CHADL: variants seen among roughly 807,000 people sequenced by gnomAD.
CHADL encodes chondroadherin-like protein.
In CHADL, 48 loss-of-function variants were observed where a neutral mutation model predicts 52.1. That is an observed-to-expected ratio of 0.92 (90% CI 0.73 to 1.17). CHADL has a LOEUF of 1.17. Ranked by LOEUF, CHADL falls within the 50% of genes most tolerant of loss-of-function variation. The pLI is 0.00. For synonymous variants in CHADL, 498 were observed against 511.2 expected, an observed-to-expected ratio of 0.97 and a Z score of 0.35; for missense variants, 977 against 1,035.1, an observed-to-expected ratio of 0.94 and a Z score of 0.77.
intron 5 of CHADL, chr22:41,230,107 C>G (rs200068641): frequency 2.4e-6 from 1 of 417,112 alleles, no homozygotes; most frequent in African/African-American, 2.5e-5. Flanking sequence ...GTTATTTACT[C>G]GCCCACCCAC....
At chr22:41,232,910 G>A (rs964083992) in intron 5 of CHADL, among the ~76,000 whole-genome samples, 8 of 152,108 alleles carry the variant, frequency 5.3e-5, no homozygotes, top group East Asian at 1.9e-4. Context: ...TCTCATCAAC[G>A]ATAGTTCCGG....
At chr22:41,236,168 G>A (rs1404765917) in intron 4 of CHADL, among the ~76,000 whole-genome samples, 1 of 152,162 alleles carries the variant, frequency 6.6e-6, no homozygotes, top group Non-Finnish European at 1.5e-5. Context: ...CACCATCCCC[G>A]ACCTCTTGTG....
At position 41,237,319 on chromosome 22, in the gene CHADL, G is replaced by T. The variant is rs1339328460; in HGVS notation, c.1753C>A (p.Pro585Thr). 2 of 1,550,552 alleles carry T rather than the reference G, an allele frequency of 1.3e-6. No homozygotes were observed. The highest frequency in any genetic ancestry group is 1.7e-6 in the Non-Finnish European group (2 of 1,146,966). ...HLDRNQLREV[P>T]TGALEGLPAL... is the part of the protein sequence containing the mutation. Reference sequence around the variant, plus strand: ...GGCAGCCCCTCCAAGGCCCCAGTGGGCACCTCTCGCAGCTGATTCCTGTCC... The same window carrying T: ...GGCAGCCCCTCCAAGGCCCCAGTGGTCACCTCTCGCAGCTGATTCCTGTCC... The change falls in exon 3 of 6, where the codon CCC (proline) becomes ACC (threonine). Residue 585 changes from proline to threonine, a missense_variant. Coordinates refer to ENST00000216241, the MANE Select transcript of CHADL (RefSeq NM_138481.2).
At chr22:41,237,059 C>G (rs551548053) in intron 3 of CHADL, 117 bp downstream of exon 3, 1 of 1,113,888 alleles carries the variant, frequency 9.0e-7, no homozygotes, top group Non-Finnish European at 1.2e-6. Flanking sequence ...TCAGGGTCCC[C>G]GTGCCCAGGC....
chr22:41,230,532 C>T (rs1393313885), intron 5 of CHADL: 18 of 433,406 alleles, frequency 4.2e-5, no homozygotes, highest in Non-Finnish European at 6.7e-5. Context: ...AAAGCTGGAA[C>T]GCTAGCTGCC....
chr22:41,230,076 T>TCCAC lies in CHADL; in HGVS notation c.2263-347_2263-346insGTGG. The TCCAC allele has an allele frequency of 1.4e-5, 13 of 912,382 alleles. 1 individual carries two copies. In the South Asian group the frequency reaches 1.6e-4, roughly 11 times the overall value. The allele number at this position is 912,382 out of a possible 1,614,324, so 56.5% of individuals were successfully genotyped here. A position where few individuals can be genotyped will look rare whatever the true frequency, so the allele number is the denominator to read the frequency against. On this transcript the variant is annotated intron_variant, in intron 5 of 5. Transcript: ENST00000216241. ...GGAGCCAGGTCCCTTTCCCAGCTCCTCCGCCCCCACCCCTCCCAGAGTTAT... is the reference window on the plus strand; with the variant it reads ...GGAGCCAGGTCCCTTTCCCAGCTCCTCCACCCGCCCCCACCCCTCCCAGAGTTAT...
At chr22:41,240,847 C>G in intron 1 of CHADL, 27 bp downstream of exon 1, 1 of 1,551,066 alleles carries the variant, frequency 6.4e-7, no homozygotes, top group South Asian at 1.2e-5. Context: ...TGAATCCCCC[C>G]TTGCACCATC....
rs1384669086 is a variant in CHADL at position 41,229,560 on chromosome 22, A to G, written c.*144T>C. 3.1e-6 allele frequency: 5 copies of G among 1,612,108 alleles called. No homozygotes were observed. The highest frequency in any genetic ancestry group is 4.2e-6 in the Non-Finnish European group (5 of 1,178,396). On this transcript the variant is annotated 3_prime_UTR_variant, in exon 6 of 6. Transcript: ENST00000216241. The stretch of plus-strand genomic sequence containing the variant: ...CAAAGGGAAAAGAATCCCGCCCACT[A>G]AGACGCGACCCCTCAGACAGGGGTC...
chr22:41,233,512 A>G (rs1227659410), intron 5 of CHADL, among the ~76,000 whole-genome samples: 1 of 152,148 alleles, frequency 6.6e-6, no homozygotes, highest in Non-Finnish European at 1.5e-5. Flanking sequence ...TTATAGAGGG[A>G]AGATGATGAT....
At position 41,237,964 on chromosome 22, in the gene CHADL, C is replaced by A; in HGVS notation, c.1108G>T (p.Glu370Ter). The change falls in exon 3 of 6, where the codon GAG becomes TAG. Residue 370 changes from glutamate (E) to a stop codon, truncating the protein, a stop_gained. Coordinates refer to ENST00000216241, the MANE Select transcript of CHADL (RefSeq NM_138481.2). LOFTEE classifies it high-confidence loss of function. Reference protein sequence around the residue: ...DAAQEEEELEERAVAGPRAPP... With the variant: ...DAAQEEEELE The stretch of plus-strand genomic sequence containing the variant: ...GCGCGGGGCCCGGCCACAGCCCGCT[C>A]TTCCAGCTCTTCCTCTTCCTGCGCC... 7.9e-7 allele frequency: 1 copy of A among 1,261,522 alleles called. No homozygotes were observed. The allele number at this position is 1,261,522 out of a possible 1,614,324, so 78.1% of individuals were successfully genotyped here. A position where few individuals can be genotyped will look rare whatever the true frequency, so the allele number is the denominator to read the frequency against.
intron 4 of CHADL, among the ~76,000 whole-genome samples, chr22:41,236,186 C>T (rs748534283): frequency 6.6e-6 from 1 of 152,196 alleles, no homozygotes; most frequent in Non-Finnish European, 1.5e-5. Context: ...GTGACTTTCT[C>T]ATGTAATTAT....
intron 1 of CHADL, among the ~76,000 whole-genome samples, chr22:41,240,458 G>A (rs542918604): frequency 2.2e-4 from 33 of 152,302 alleles, no homozygotes; most frequent in African/African-American, 7.9e-4. Flanking sequence ...CCGGCCCCCA[G>A]GAGCCTCCCC....
chr22:41,237,929 G>T lies in CHADL; in HGVS notation c.1143C>A (p.Arg381=). Residue 381 remains arginine (R), a synonymous_variant, in exon 3 of 6, where the codon CGC becomes CGA. Coordinates refer to ENST00000216241, the MANE Select transcript of CHADL (RefSeq NM_138481.2). ...RAVAGPRAPP[R]GPPRGPGEER... ...CCTCCCCGGGGCCGCGCGGAGGGCC[G>T]CGCGGAGGGGCGCGGGGCCCGGCCA... 7.9e-7 allele frequency: 1 copy of T among 1,272,446 alleles called. No homozygotes were observed. The highest frequency in any genetic ancestry group is 3.0e-4 in the Middle Eastern group (1 of 3,312). The allele number at this position is 1,272,446 out of a possible 1,614,324, so 78.8% of individuals were successfully genotyped here.
At chr22:41,234,735 T>C (rs2032705425) in intron 5 of CHADL, among the ~76,000 whole-genome samples, 2 of 152,176 alleles carry the variant, frequency 1.3e-5, no homozygotes, top group Admixed American at 6.5e-5. Flanking sequence ...TTTGTATTTT[T>C]AGTAGAGACA....
At position 41,238,681 on chromosome 22, in the gene CHADL, C is replaced by T; in HGVS notation, c.391G>A (p.Asp131Asn). The change falls in exon 3 of 6, where the codon GAC (aspartate) becomes AAC (asparagine). Residue 131 changes from aspartate (D) to asparagine (N), a missense_variant. Coordinates refer to ENST00000216241, the MANE Select transcript of CHADL (RefSeq NM_138481.2). The surrounding 1 kb of genome is among the most constrained non-coding windows in gnomAD (Gnocchi z 4.9). The part of the protein sequence containing the change: ...HLRELPQEAL[D>N]GLGSLRRLEL... ...AGCCGCCGCAACGAGCCCAGCCCGT[C>T]CAGCGCCTCCTGGGGCAGCTCACGC... The T allele has an allele frequency of 1.9e-6, 3 of 1,545,812 alleles. No homozygotes were observed. The highest frequency in any genetic ancestry group is 2.7e-5 in the African/African-American group (2 of 73,104).
rs1490870086 is a variant in CHADL, at chr22:41,238,686, G to T, written c.386C>A (p.Ala129Glu). The T allele has an allele frequency of 4.5e-6, 7 of 1,545,672 alleles. No individual in the cohort carries two copies. Among genetic ancestry groups the T allele is most frequent in the Non-Finnish European group, 6.1e-6 (7 of 1,145,662 alleles). The stretch of plus-strand genomic sequence containing the variant: ...CCGCAACGAGCCCAGCCCGTCCAGC[G>T]CCTCCTGGGGCAGCTCACGCAGGTG... Reference protein sequence around the residue: ...SNHLRELPQEALDGLGSLRRL... With the variant: ...SNHLRELPQEELDGLGSLRRL... The change falls in exon 3 of 6, where the codon GCG (alanine) becomes GAG (glutamate). Residue 129 changes from alanine (A) to glutamate (E), a missense_variant. By Grantham distance (107) the Ala-to-Glu change is moderately radical (BLOSUM62 -1). Coordinates refer to ENST00000216241, the MANE Select transcript of CHADL (RefSeq NM_138481.2). This position sits in a 1 kb window ranked among gnomAD's most constrained non-coding sequence, Gnocchi z 4.9.
intron 5 of CHADL, among the ~76,000 whole-genome samples, chr22:41,231,445 T>C (rs2032584174): frequency 6.7e-6 from 1 of 149,614 alleles, no homozygotes; most frequent in South Asian, 2.1e-4. Context: ...TGTCATTCTT[T>C]ACGGTTGTGC....
rs1403067618 is a variant in CHADL at position 41,240,921 on chromosome 22, A to G, written c.-40T>C. 6.5e-6 allele frequency: 10 copies of G among 1,542,534 alleles called. No homozygotes were observed. In the African/African-American group the frequency reaches 1.4e-4, roughly 21 times the overall value. ...CTGGTCCAGCCTGGAGGCGCAGCGC[A>G]GGGACAGGCTGTCCCCGCCTGGCAG... On this transcript the variant is annotated 5_prime_UTR_variant, in exon 1 of 6. Transcript: ENST00000216241.
chr22:41,229,697 T>C lies in CHADL; in HGVS notation c.*7A>G. 1 of 1,612,702 alleles carries C rather than the reference T, an allele frequency of 6.2e-7. No individual in the cohort carries two copies. On this transcript the variant is annotated 3_prime_UTR_variant, in exon 6 of 6. Coordinates refer to ENST00000216241, the MANE Select transcript of CHADL (RefSeq NM_138481.2). The stretch of plus-strand genomic sequence containing the variant: ...CTGGGTCAAGGCAGGACCAGCCTGC[T>C]CCGTGCTCAGAGACGACCCTTCTCC...
Sources: gnomAD v4.1 joint callset for allele counts (sites outside exome capture counted in the v4.1 genomes callset) on GRCh38, gnomAD v4.1.1 for gene constraint, Gnocchi (gnomAD v3.1) non-coding constraint, MANE v1.5 for transcripts, NCBI Gene and HGNC (gene_info 2026-07-23, HGNC 2026-07-21) for gene names.